The following RTN4 variants were observed in gnomAD, a reference collection of about 807,000 sequenced individuals.
The protein encoded by RTN4 is reticulon 4, also known as reticulon-4.
A neutral mutation model predicts 90.4 loss-of-function variants in RTN4; 32 were observed. The ratio of observed to expected loss-of-function variants is 0.35; its 90% CI spans 0.27 to 0.48. The LOEUF (loss-of-function observed/expected upper bound fraction) is 0.48. RTN4 is among the 20% of genes least tolerant of loss of function. RTN4 has a pLI of 0.99. For synonymous variants in RTN4, 629 were observed against 552.5 expected (o/e 1.14, Z -1.94); for missense variants, 1,706 against 1,430.2 (o/e 1.19, Z -3.11).
intron 2 of RTN4, among the ~76,000 whole-genome samples, chr2:55,075,465 C>G (rs192255046): frequency 1.3e-3 from 205 of 152,254 alleles, no homozygotes; most frequent in African/African-American, 4.8e-3. Flanking sequence ...GGAAACACAT[C>G]CCATGCTTAT....
intron 3 of RTN4, among the ~76,000 whole-genome samples, chr2:54,991,887 C>T (rs1679038738): frequency 6.6e-6 from 1 of 152,142 alleles, no homozygotes; most frequent in Non-Finnish European, 1.5e-5. Context: ...ATCATTATGG[C>T]AACTGTATGA....
chr2:55,110,971 G>T lies in RTN4; in HGVS notation c.-214+1549C>A, dbSNP rs13406891. Among the ~76,000 whole-genome samples the T allele has an allele frequency of 2.7e-3, 414 of 152,240 alleles. 3 individuals carry two copies. The highest frequency in any genetic ancestry group is 9.3e-3 in the African/African-American group (385 of 41,544). On this transcript the variant is annotated intron_variant, in intron 1 of 3. Coordinates refer to the RTN4 transcript ENST00000427710. ...CAGGAGAATTGCTTGAACCCAGGAGGTGGAGGTTGCAGTGAGCCGAGATCG... is the reference window on the plus strand; with the variant it reads ...CAGGAGAATTGCTTGAACCCAGGAGTTGGAGGTTGCAGTGAGCCGAGATCG...
At chr2:55,092,771 C>T (rs1668963423) in intron 1 of RTN4, among the ~76,000 whole-genome samples, 1 of 152,154 alleles carries the variant, frequency 6.6e-6, no homozygotes, top group Admixed American at 6.5e-5. Context: ...TGCCCTTTTC[C>T]AATTTCAGTT....
intron 2 of RTN4, among the ~76,000 whole-genome samples, chr2:55,070,575 G>C (rs1183606453): frequency 7.1e-6 from 1 of 140,118 alleles, no homozygotes; most frequent in African/African-American, 2.6e-5. Context: ...AAGAAAGAAA[G>C]AAAGAAAAAT....
intron 1 of RTN4, among the ~76,000 whole-genome samples, chr2:55,038,781 T>A (rs1003849194): frequency 6.6e-6 from 1 of 152,226 alleles, no homozygotes; most frequent in South Asian, 2.1e-4. Context: ...AATGAAAATA[T>A]ATGCATACAA....
chr2:55,112,485 C>A lies in RTN4; in HGVS notation c.-214+35G>T, dbSNP rs148096027. 2.6e-3 allele frequency: 402 copies of A among 152,372 alleles called. 1 individual carries two copies. Among genetic ancestry groups the A allele is most frequent in the African/African-American group, 9.3e-3 (385 of 41,566 alleles). The allele number at this position is 152,372 out of a possible 1,614,324, so 9.4% of individuals were successfully genotyped here. A position where few individuals can be genotyped will look rare whatever the true frequency, so the allele number is the denominator to read the frequency against. Reference sequence around the variant, plus strand: ...ACTAGTATTGTTCTAAATCTAAGCACGGCCAGAGGAAAGAATAGGAAGCTC... The same window carrying A: ...ACTAGTATTGTTCTAAATCTAAGCAAGGCCAGAGGAAAGAATAGGAAGCTC... On this transcript the variant is annotated intron_variant, in intron 1 of 3. Transcript: ENST00000427710.
At chr2:54,996,414 T>C (rs1449526468) in intron 3 of RTN4, among the ~76,000 whole-genome samples, 1 of 152,148 alleles carries the variant, frequency 6.6e-6, no homozygotes, top group African/African-American at 2.4e-5. Flanking sequence ...GTTGGAGGAC[T>C]CGAACCTCCC....
Position 55,082,378 on chromosome 2 carries a change from C to A in RTN4, c.-213-1739G>T, listed in dbSNP as rs984984497. Among the ~76,000 whole-genome samples the A allele has an allele frequency of 3.3e-5, 5 of 152,190 alleles. No individual in the cohort carries two copies. In the South Asian group the frequency reaches 1.0e-3, roughly 32 times the overall value. ...TCATATATCTCTCAAAAGCCAGAGA[C>A]TTGAGAACAGCCAAATCAGGAGCAG... On this transcript the variant is annotated intron_variant, in intron 1 of 3. Transcript: ENST00000427710.
At chr2:55,079,105 G>T (rs1305567924) in intron 2 of RTN4, among the ~76,000 whole-genome samples, 1 of 152,204 alleles carries the variant, frequency 6.6e-6, no homozygotes, top group Non-Finnish European at 1.5e-5. Context: ...GGTCACAGAG[G>T]TTTGGTGGTG....
At chr2:55,116,849 G>T (rs141232219), upstream of RTN4, among the ~76,000 whole-genome samples, 1 of 150,262 alleles carries the variant, frequency 6.7e-6, no homozygotes, top group African/African-American at 2.4e-5. Flanking sequence ...TTTATGCATA[G>T]CTGTTTCTTT....
chr2:54,974,092 TTCAAA>T, intron 6 of RTN4: 1 of 467,374 alleles, frequency 2.1e-6, no homozygotes, highest in Non-Finnish European at 3.8e-6. Context: ...CATTTCTAGC[TTCAAA>T]TCATATCACA....
chr2:55,057,325 G>C (rs1668207374), intron 2 of RTN4, among the ~76,000 whole-genome samples: 2 of 149,162 alleles, frequency 1.3e-5, no homozygotes, highest in Non-Finnish European at 2.9e-5. Context: ...GTAGGATTCG[G>C]AGGCATAGAA....
chr2:55,073,789 G>C (rs1668554424), intron 2 of RTN4, among the ~76,000 whole-genome samples: 1 of 152,172 alleles, frequency 6.6e-6, no homozygotes, highest in Non-Finnish European at 1.5e-5. Flanking sequence ...AAGAACTTTA[G>C]AGATAAAGCA....
At chr2:55,114,536 T>C (rs1452770959), upstream of RTN4, among the ~76,000 whole-genome samples, 2 of 152,082 alleles carry the variant, frequency 1.3e-5, no homozygotes, top group Non-Finnish European at 2.9e-5. Context: ...CCGTCGCTAC[T>C]AAAAATACAA....
chr2:55,066,004 G>T (rs555171759), intron 2 of RTN4, among the ~76,000 whole-genome samples: 13 of 152,268 alleles, frequency 8.5e-5, no homozygotes, highest in African/African-American at 2.9e-4. Flanking sequence ...TGGATGTCAT[G>T]CTTCAATAAT....
At chr2:55,077,837 A>G (rs1263766167) in intron 2 of RTN4, among the ~76,000 whole-genome samples, 2 of 152,014 alleles carry the variant, frequency 1.3e-5, no homozygotes, top group African/African-American at 2.4e-5. Context: ...GGAATGAAAT[A>G]ATGGCATTTG....
upstream of RTN4, among the ~76,000 whole-genome samples, chr2:55,051,264 G>C (rs1009952344): frequency 9.9e-5 from 15 of 152,156 alleles, no homozygotes; most frequent in African/African-American, 2.4e-4. Flanking sequence ...CATGGTAAGA[G>C]AGTGAGTCAC....
At chr2:55,104,795 T>C (rs548951705) in intron 1 of RTN4, among the ~76,000 whole-genome samples, 1 of 152,112 alleles carries the variant, frequency 6.6e-6, no homozygotes, top group African/African-American at 2.4e-5. Context: ...TTTATTGTTT[T>C]GTTTTAGTTT....
chr2:55,010,422 T>C (rs1680549693), intron 3 of RTN4: 1 of 1,127,868 alleles, frequency 8.9e-7, no homozygotes, highest in African/African-American at 1.6e-5. Flanking sequence ...GAGCTGCATT[T>C]GCAGGGAGAG....
Sources: allele counts gnomAD v4.1 joint callset (sites outside exome capture counted in the v4.1 genomes callset), GRCh38; gene constraint gnomAD v4.1.1; transcripts MANE v1.5; gene names NCBI Gene and HGNC (gene_info 2026-07-23, HGNC 2026-07-21).